The following TRABD2B variants were observed in gnomAD, a reference collection of about 807,000 sequenced individuals.
TRABD2B encodes metalloprotease TIKI2.
Under a neutral mutation model 40.1 loss-of-function variants are expected in TRABD2B, and 14 were observed. The ratio of observed to expected loss-of-function variants is 0.35; its 90% CI spans 0.23 to 0.55. The LOEUF (loss-of-function observed/expected upper bound fraction) is 0.55. Among genes scored for constraint, TRABD2B ranks in the 20% least tolerant of loss-of-function variants. The pLI is 0.90. For missense variants in TRABD2B, 541 were observed against 648.6 expected, an observed-to-expected ratio of 0.83 and a Z score of 1.80; for synonymous variants, 263 against 277.0, an observed-to-expected ratio of 0.95 and a Z score of 0.50.
At chr1:47,887,426 G>T (rs972255870) in intron 2 of TRABD2B, among the ~76,000 whole-genome samples, 3 of 152,128 alleles carry the variant, frequency 2.0e-5, no homozygotes, top group African/African-American at 7.2e-5. Context: ...GGCTTTGAGT[G>T]GGGTGGGGCT....
intron 2 of TRABD2B, among the ~76,000 whole-genome samples, chr1:47,844,699 G>C (rs531563775): frequency 6.6e-6 from 1 of 152,176 alleles, no homozygotes; most frequent in Non-Finnish European, 1.5e-5. Context: ...GATGGATTCA[G>C]GAACATCTGT....
chr1:47,983,346 A>C (rs1026773483), intron 2 of TRABD2B, among the ~76,000 whole-genome samples: 2 of 152,176 alleles, frequency 1.3e-5, no homozygotes, highest in Admixed American at 1.3e-4. Context: ...GGAGGTTAGG[A>C]GGAAGGAGAG....
intron 2 of TRABD2B, among the ~76,000 whole-genome samples, chr1:47,866,233 T>C (rs902521046): frequency 1.3e-5 from 2 of 151,804 alleles, no homozygotes; most frequent in African/African-American, 4.8e-5. Flanking sequence ...CTAAAGTCGA[T>C]GTCCGAGGGG....
chr1:47,875,672 C>A, intron 2 of TRABD2B, among the ~76,000 whole-genome samples: 1 of 55,798 alleles, frequency 1.8e-5, no homozygotes. Flanking sequence ...GAAACCCTGT[C>A]TCAAAAAAAA....
In TRABD2B at chr1:47,793,320, T is replaced by TA. The variant is rs1426916758; in HGVS notation, c.988+1265dup. Among the ~76,000 whole-genome samples the TA allele has an allele frequency of 3.3e-5, 5 of 152,318 alleles. No individual in the cohort carries two copies. In the East Asian group the frequency reaches 9.7e-4, roughly 29 times the overall value. On this transcript the variant is annotated intron_variant, in intron 4 of 6. Coordinates refer to ENST00000606738, the MANE Select transcript of TRABD2B (RefSeq NM_001194986.2). ...CTCTTTCTGCCCAACTGCTGTGCCT[T>TA]AAAGGTGCTGTCCCAGGAGGACTGT...
At chr1:47,980,593 G>A (rs1239655157) in intron 2 of TRABD2B, among the ~76,000 whole-genome samples, 1 of 152,146 alleles carries the variant, frequency 6.6e-6, no homozygotes, top group African/African-American at 2.4e-5. Flanking sequence ...CTAGGCTGGG[G>A]GTGGCCCTCC....
chr1:47,884,464 G>A lies in TRABD2B; in HGVS notation c.667-82845C>T, dbSNP rs572938017. Among the ~76,000 whole-genome samples, 8 of 152,258 alleles carry A rather than the reference G, an allele frequency of 5.3e-5. No individual in the cohort carries two copies. In the South Asian group the frequency reaches 1.5e-3, roughly 28 times the overall value. On this transcript the variant is annotated intron_variant, in intron 2 of 6. Coordinates refer to ENST00000606738, the MANE Select transcript of TRABD2B (RefSeq NM_001194986.2). ...GCTGCACACCCTGGCTATCATGATG[G>A]TAACTCCTTACAACCTACACACCGG... is the stretch of plus-strand genomic sequence containing the variant.
intron 2 of TRABD2B, among the ~76,000 whole-genome samples, chr1:47,885,529 C>T (rs1364898926): frequency 6.6e-6 from 1 of 152,236 alleles, no homozygotes; most frequent in Non-Finnish European, 1.5e-5. Flanking sequence ...AATCCCTCCA[C>T]ATACAGGTCC....
At chr1:47,978,335 G>A (rs903907537) in intron 2 of TRABD2B, among the ~76,000 whole-genome samples, 1 of 152,152 alleles carries the variant, frequency 6.6e-6, no homozygotes, top group African/African-American at 2.4e-5. Context: ...ATAGATTTCC[G>A]TTGTTAATAA....
At chr1:47,946,025 G>A (rs941371977) in intron 2 of TRABD2B, among the ~76,000 whole-genome samples, 1 of 152,170 alleles carries the variant, frequency 6.6e-6, no homozygotes, top group African/African-American at 2.4e-5. Flanking sequence ...TACAAGATTT[G>A]TAATAGCTCC....
intron 2 of TRABD2B, among the ~76,000 whole-genome samples, chr1:47,869,579 G>T (rs1387094673): frequency 6.6e-6 from 1 of 152,176 alleles, no homozygotes; most frequent in African/African-American, 2.4e-5. Flanking sequence ...GGTAAGGACT[G>T]GTTCGCCAAG....
chr1:47,792,388 C>T (rs1043263202), intron 4 of TRABD2B, among the ~76,000 whole-genome samples: 6 of 152,226 alleles, frequency 3.9e-5, no homozygotes, highest in African/African-American at 1.4e-4. Context: ...ACAAAGCCAG[C>T]ACCACTCACT....
intron 2 of TRABD2B, among the ~76,000 whole-genome samples, chr1:47,901,918 G>A (rs1422169563): frequency 6.6e-6 from 1 of 152,106 alleles, no homozygotes; most frequent in Non-Finnish European, 1.5e-5. Flanking sequence ...GCACAGAAGA[G>A]GAAGAAACTC....
At chr1:47,795,814 G>A (rs990932069) in intron 3 of TRABD2B, 1 of 601,454 alleles carries the variant, frequency 1.7e-6, no homozygotes, top group African/African-American at 2.0e-5. Context: ...ATCCCTTTTT[G>A]AATACCTCAA....
At position 47,766,215 on chromosome 1, in the gene TRABD2B, G is replaced by C. The variant is rs1644300842; in HGVS notation, c.1350-109C>G. 2.9e-5 allele frequency: 19 copies of C among 646,402 alleles called. No individual in the cohort carries two copies. The South Asian group carries it at 3.3e-4, about 11-fold the overall frequency. The allele number at this position is 646,402 out of a possible 1,614,324, so 40.0% of individuals were successfully genotyped here. A position where few individuals can be genotyped will look rare whatever the true frequency, so the allele number is the denominator to read the frequency against. ...CAGGTCTATTTTGCCTAATACAATG[G>C]AGAAGGGAACAAGGAGCTTGAGCAG... On this transcript the variant is annotated intron_variant, in intron 6 of 6. Coordinates refer to ENST00000606738, the MANE Select transcript of TRABD2B (RefSeq NM_001194986.2).
chr1:47,787,738 G>A (rs1389199716), intron 4 of TRABD2B, among the ~76,000 whole-genome samples: 3 of 152,182 alleles, frequency 2.0e-5, no homozygotes, highest in Admixed American at 6.5e-5. Flanking sequence ...TGTAGAAGCA[G>A]GCAGCATTTC....
At chr1:47,886,330 C>T (rs545523084) in intron 2 of TRABD2B, among the ~76,000 whole-genome samples, 16 of 152,324 alleles carry the variant, frequency 1.1e-4, no homozygotes, top group East Asian at 9.6e-4. Context: ...GAACTTTACC[C>T]GCTGAAGTGT....
intron 2 of TRABD2B, among the ~76,000 whole-genome samples, chr1:47,890,688 C>G (rs1463225945): frequency 4.6e-5 from 7 of 152,184 alleles, no homozygotes; most frequent in African/African-American, 9.7e-5. Flanking sequence ...CCCCTAGGAG[C>G]CTTTGAGAAT....
rs184256987 is a variant in TRABD2B at position 47,800,783 on chromosome 1, C to T, written c.813+690G>A. The stretch of plus-strand genomic sequence containing the variant: ...TGACTATGACCAAGTGGGAGGAACC[C>T]TGGAGGAGAAAGGAGCCTGAACAAA... On this transcript the variant is annotated intron_variant, in intron 3 of 6. Transcript: ENST00000606738. Among the ~76,000 whole-genome samples, 262 of 152,188 alleles carry T rather than the reference C, an allele frequency of 1.7e-3. 4 individuals carry two copies. The highest frequency in any genetic ancestry group is 5.2e-3 in the African/African-American group (217 of 41,530).
Sources: allele counts gnomAD v4.1 joint callset (sites outside exome capture counted in the v4.1 genomes callset), GRCh38; gene constraint gnomAD v4.1.1; transcripts MANE v1.5; gene names NCBI Gene and HGNC (gene_info 2026-07-23, HGNC 2026-07-21).